The following GSE1 variants were observed in gnomAD, a reference collection of about 807,000 sequenced individuals.
The protein encoded by GSE1 is Gse1 coiled-coil protein, also known as genetic suppressor element 1.
Under a neutral mutation model 112.6 loss-of-function variants are expected in GSE1, and 32 were observed. The observed-to-expected ratio is 0.28, with a 90% CI of 0.21 to 0.38. The LOEUF (loss-of-function observed/expected upper bound fraction) is 0.38, where lower values mean the gene tolerates loss of function less well. Among genes scored for constraint, GSE1 ranks in the 10% least tolerant of loss-of-function variants. The pLI is 1.00. For synonymous variants in GSE1, 1,115 were observed against 735.6 expected, an observed-to-expected ratio of 1.52 and a Z score of -8.35; for missense variants, 2,348 against 1,699.2, an observed-to-expected ratio of 1.38 and a Z score of -6.71.
chr16:85,225,014 C>T (rs1016284087), intron 1 of GSE1, among the ~76,000 whole-genome samples: 4 of 152,072 alleles, frequency 2.6e-5, no homozygotes, highest in Non-Finnish European at 5.9e-5. Flanking sequence ...GCCTGTAGCC[C>T]CAGCTACGTG....
chr16:85,386,043 G>A (rs1597563954), intron 2 of GSE1, among the ~76,000 whole-genome samples: 1 of 152,158 alleles, frequency 6.6e-6, no homozygotes, highest in South Asian at 2.1e-4. Flanking sequence ...TGGGCCTCCC[G>A]TGGCCATGGG....
intron 1 of GSE1, among the ~76,000 whole-genome samples, chr16:85,222,570 C>T (rs1325148739): frequency 1.3e-5 from 2 of 152,192 alleles, no homozygotes; most frequent in African/African-American, 4.8e-5. Context: ...ATAGCCAGTT[C>T]CCACCCCCAG....
intron 2 of GSE1, among the ~76,000 whole-genome samples, chr16:85,532,152 C>T (rs901498821): frequency 6.6e-6 from 1 of 152,220 alleles, no homozygotes; most frequent in South Asian, 2.1e-4. Context: ...TTCATCCTCA[C>T]AACTTTGATA....
rs189384638 is a variant in GSE1 at position 85,370,987 on chromosome 16, C to T, written c.2464+13344C>T. Among the ~76,000 whole-genome samples, 725 of 152,344 alleles carry T rather than the reference C, an allele frequency of 4.8e-3. 3 individuals carry two copies. The highest frequency in any genetic ancestry group is 7.2e-3 in the Non-Finnish European group (492 of 68,024). The stretch of plus-strand genomic sequence containing the variant: ...GCTGGGAGGGCAGGAGGAGGGCCTG[C>T]GCCCGGCGGTGGCTGGCTGTGGCCT... On this transcript the variant is annotated intron_variant, in intron 2 of 2. Transcript: ENST00000637419.
intron 2 of GSE1, among the ~76,000 whole-genome samples, chr16:85,401,972 G>A (rs2048124706): frequency 6.6e-6 from 1 of 152,360 alleles, no homozygotes; most frequent in East Asian, 1.9e-4. Flanking sequence ...GCAGCTCAGT[G>A]TCTGGAGCTC....
At chr16:85,197,447 C>T (rs1040769656) in intron 1 of GSE1, among the ~76,000 whole-genome samples, 4 of 152,204 alleles carry the variant, frequency 2.6e-5, no homozygotes, top group Admixed American at 2.6e-4. Context: ...TAACTCAATT[C>T]CTGTTCCAGC....
Position 85,668,128 on chromosome 16 carries a change from TC to T in GSE1, c.3131-8del. 1 of 1,554,412 alleles carries T rather than the reference TC, an allele frequency of 6.4e-7. No homozygotes were observed. Among genetic ancestry groups the T allele is most frequent in the Non-Finnish European group, 8.7e-7 (1 of 1,146,488 alleles). ...CCCCAACACACTGATGCAAGCCCTG[TC>T]CCCTCCACAGGGAGCGTGGCTGTGC... On this transcript the variant is annotated splice_polypyrimidine_tract_variant and intron_variant, in intron 13 of 15. Coordinates refer to ENST00000253458, the MANE Select transcript of GSE1 (RefSeq NM_014615.5).
intron 1 of GSE1, among the ~76,000 whole-genome samples, chr16:85,175,346 G>A (rs72814237): frequency 0.039 from 5,951 of 152,240 alleles, 153 homozygotes; most frequent in South Asian, 0.077. Flanking sequence ...CCCCAAGGAC[G>A]GACCCTTCCC....
intron 1 of GSE1, among the ~76,000 whole-genome samples, chr16:85,598,685 A>G (rs1406004786): frequency 2.6e-5 from 4 of 152,240 alleles, no homozygotes; most frequent in African/African-American, 9.6e-5. Context: ...GGGCCTCCCA[A>G]GTAGGCATGG....
chr16:85,235,383 C>CCA (rs892568840), intron 1 of GSE1, among the ~76,000 whole-genome samples: 4 of 149,536 alleles, frequency 2.7e-5, no homozygotes, highest in African/African-American at 9.9e-5. Flanking sequence ...CCTCTCCTCT[C>CCA]CAGACCGCAG....
chr16:85,590,425 G>A (rs557897334), intron 1 of GSE1, among the ~76,000 whole-genome samples: 3 of 152,020 alleles, frequency 2.0e-5, no homozygotes, highest in South Asian at 2.1e-4. Flanking sequence ...ATGTGGGCCC[G>A]CGTGTGAATG....
chr16:85,312,224 T>C (rs1597368814), intron 1 of GSE1, among the ~76,000 whole-genome samples: 5 of 122,834 alleles, frequency 4.1e-5, no homozygotes, highest in African/African-American at 1.1e-4. Flanking sequence ...GGGGACACAC[T>C]TACCCCCAAA....
chr16:85,470,533 G>T (rs955803236), intron 2 of GSE1, among the ~76,000 whole-genome samples: 22 of 152,216 alleles, frequency 1.4e-4, no homozygotes, highest in Non-Finnish European at 2.9e-4. Context: ...CCTTGTTGGG[G>T]TGCTAAACTC....
At chr16:85,486,917 A>C (rs1026567272) in intron 2 of GSE1, among the ~76,000 whole-genome samples, 3 of 151,986 alleles carry the variant, frequency 2.0e-5, no homozygotes, top group Non-Finnish European at 4.4e-5. Context: ...ATTCAGGCGA[A>C]AGTATAGTTT....
At chr16:85,644,471 C>T (rs1362588702) in intron 2 of GSE1, among the ~76,000 whole-genome samples, 2 of 152,148 alleles carry the variant, frequency 1.3e-5, no homozygotes, top group African/African-American at 4.8e-5. Flanking sequence ...ACACAGTGGA[C>T]TGTCACTTAG....
chr16:85,267,923 C>G (rs1353584341), intron 1 of GSE1, among the ~76,000 whole-genome samples: 2 of 152,190 alleles, frequency 1.3e-5, no homozygotes, highest in Non-Finnish European at 2.9e-5. Context: ...CCTCTCTGAA[C>G]CTCAGTTTCT....
chr16:85,646,992 C>T (rs2050927361), intron 2 of GSE1, among the ~76,000 whole-genome samples: 1 of 152,158 alleles, frequency 6.6e-6, no homozygotes, highest in Admixed American at 6.5e-5. Context: ...CCTGCCACCA[C>T]ACACACTTGG....
At chr16:85,578,844 A>G (rs1203727347) in intron 1 of GSE1, among the ~76,000 whole-genome samples, 1 of 147,836 alleles carries the variant, frequency 6.8e-6, no homozygotes, top group Non-Finnish European at 1.5e-5. Flanking sequence ...CACCCCGGTC[A>G]CTCACCCATC....
intron 1 of GSE1, among the ~76,000 whole-genome samples, chr16:85,623,215 CTTTT>C (rs34549947): frequency 5.0e-5 from 7 of 139,876 alleles, no homozygotes; most frequent in East Asian, 4.1e-4. Flanking sequence ...TTGTCCACTC[CTTTT>C]TTTTTTTTTT....
Sources: gnomAD v4.1 joint callset for allele counts (sites outside exome capture counted in the v4.1 genomes callset) on GRCh38, gnomAD v4.1.1 for gene constraint, MANE v1.5 for transcripts, NCBI Gene and HGNC (gene_info 2026-07-23, HGNC 2026-07-21) for gene names.